The following VAV3 variants were observed in gnomAD, a reference collection of about 807,000 sequenced individuals.
VAV3 encodes guanine nucleotide exchange factor VAV3.
In VAV3, 94 loss-of-function variants were observed where a neutral mutation model predicts 131.2. The observed-to-expected ratio is 0.72, with a 90% CI of 0.61 to 0.85. VAV3 has a LOEUF of 0.85. VAV3 is among the 40% of genes least tolerant of loss of function. VAV3 has a pLI of 0.00. For missense variants in VAV3, 939 were observed against 1,002.7 expected (o/e 0.94, Z 0.86); for synonymous variants, 349 against 342.0 (o/e 1.02, Z -0.22).
intron 16 of VAV3, 59 bp downstream of exon 16, chr1:107,704,901 A>T: frequency 6.6e-7 from 1 of 1,520,410 alleles, no homozygotes; most frequent in Non-Finnish European, 9.1e-7. Context: ...GAAAAGTCTG[A>T]AACACTTAGC....
At chr1:107,793,695 G>C (rs1666407568) in intron 2 of VAV3, among the ~76,000 whole-genome samples, 1 of 152,186 alleles carries the variant, frequency 6.6e-6, no homozygotes, top group South Asian at 2.1e-4. Flanking sequence ...AAGGGGTCTA[G>C]ATTTTGTTAT....
chr1:107,826,929 T>G (rs1668041835), intron 2 of VAV3, among the ~76,000 whole-genome samples: 1 of 152,164 alleles, frequency 6.6e-6, no homozygotes, highest in Non-Finnish European at 1.5e-5. Context: ...CTTGTTTCAG[T>G]TTTTTATATT....
chr1:107,934,383 G>T lies in VAV3; in HGVS notation c.204+30283C>A, dbSNP rs542208177. On this transcript the variant is annotated intron_variant, in intron 1 of 26. Coordinates refer to ENST00000370056, the MANE Select transcript of VAV3 (RefSeq NM_006113.5). ...CCAAAACCCTTAGAACAGAGCAGAA[G>T]ATATATTTTGCCACTCTTTTTCTTC... Among the ~76,000 whole-genome samples the T allele has an allele frequency of 8.5e-4, 129 of 152,290 alleles. 1 individual carries two copies. Among genetic ancestry groups the T allele is most frequent in the Non-Finnish European group, 1.4e-3 (97 of 68,022 alleles).
intron 4 of VAV3, among the ~76,000 whole-genome samples, chr1:107,775,922 T>C (rs1665329880): frequency 2.0e-5 from 3 of 152,152 alleles, no homozygotes; most frequent in African/African-American, 7.2e-5. Flanking sequence ...ATCTGGAAGT[T>C]GGGGCTGTGA....
intron 1 of VAV3, among the ~76,000 whole-genome samples, chr1:107,911,565 A>C (rs1672368781): frequency 6.6e-6 from 1 of 152,250 alleles, no homozygotes; most frequent in East Asian, 1.9e-4. Flanking sequence ...CAGATAAATA[A>C]AACATAAATC....
At chr1:107,957,558 C>T (rs913959799) in intron 1 of VAV3, among the ~76,000 whole-genome samples, 1 of 151,830 alleles carries the variant, frequency 6.6e-6, no homozygotes, top group East Asian at 1.9e-4. Flanking sequence ...TACAGGGAAG[C>T]GAATATGAAA....
chr1:107,699,239 G>T (rs574235449), intron 17 of VAV3, among the ~76,000 whole-genome samples: 3 of 152,362 alleles, frequency 2.0e-5, no homozygotes, highest in East Asian at 3.9e-4. Context: ...TACAGGCATT[G>T]TGTAAATACA....
intron 17 of VAV3, among the ~76,000 whole-genome samples, chr1:107,694,854 G>A (rs1659651432): frequency 6.6e-6 from 1 of 152,150 alleles, no homozygotes; most frequent in South Asian, 2.1e-4. Flanking sequence ...GAGGGCTGCA[G>A]TCTAATTGAG....
intron 2 of VAV3, among the ~76,000 whole-genome samples, chr1:107,853,694 G>C (rs1336289402): frequency 6.6e-6 from 1 of 152,004 alleles, no homozygotes; most frequent in Non-Finnish European, 1.5e-5. Context: ...AGAAAAGCCA[G>C]AGAAACAAAA....
rs1384728614 is a variant in VAV3 at position 107,749,087 on chromosome 1, T to G, written c.1393-10A>C. Reference sequence around the variant, plus strand: ...AGAAGCCATAAGACCACTGTTAAAATTAATATTCCTTAGATTAATATGTAT... The same window carrying G: ...AGAAGCCATAAGACCACTGTTAAAAGTAATATTCCTTAGATTAATATGTAT... On this transcript the variant is annotated splice_polypyrimidine_tract_variant and intron_variant, in intron 14 of 26. Coordinates refer to ENST00000370056, the MANE Select transcript of VAV3 (RefSeq NM_006113.5). The G allele has an allele frequency of 6.6e-7, 1 of 1,520,338 alleles. No homozygotes were observed. Among genetic ancestry groups the G allele is most frequent in the Admixed American group, 1.8e-5 (1 of 55,178 alleles). 94.2% of individuals were successfully genotyped at this position (1,520,338 alleles called of 1,614,324 possible). A position where few individuals can be genotyped will look rare whatever the true frequency, so the allele number is the denominator to read the frequency against.
intron 19 of VAV3, among the ~76,000 whole-genome samples, chr1:107,646,998 C>T (rs545124637): frequency 6.6e-6 from 1 of 151,600 alleles, no homozygotes; most frequent in South Asian, 2.1e-4. Flanking sequence ...AAGTAGAACC[C>T]TATTAGAAAA....
intron 25 of VAV3, among the ~76,000 whole-genome samples, chr1:107,585,404 CTT>C (rs1650403340): frequency 6.6e-6 from 1 of 152,186 alleles, no homozygotes; most frequent in Non-Finnish European, 1.5e-5. Flanking sequence ...CCTATTAAAA[CTT>C]TAAAGACAGA....
chr1:107,886,363 GC>G (rs1671037340), intron 1 of VAV3, among the ~76,000 whole-genome samples: 1 of 152,160 alleles, frequency 6.6e-6, no homozygotes, highest in Admixed American at 6.5e-5. Flanking sequence ...CAAATCTGAA[GC>G]CCCTGCCAGC....
intron 15 of VAV3, among the ~76,000 whole-genome samples, chr1:107,709,751 C>A (rs889142544): frequency 5.9e-5 from 9 of 152,164 alleles, no homozygotes; most frequent in Admixed American, 3.9e-4. Flanking sequence ...CTTCACTGGG[C>A]ACTCATTCTT....
chr1:107,651,336 T>C (rs888537694), intron 19 of VAV3, among the ~76,000 whole-genome samples: 6 of 152,150 alleles, frequency 3.9e-5, no homozygotes, highest in Admixed American at 1.3e-4. Context: ...ATACTCAATC[T>C]TCTTGCTTCA....
chr1:107,796,523 G>C (rs1242554061), intron 2 of VAV3, among the ~76,000 whole-genome samples: 1 of 151,932 alleles, frequency 6.6e-6, no homozygotes, highest in Non-Finnish European at 1.5e-5. Context: ...TGATGGACAG[G>C]CACTATATTT....
intron 22 of VAV3, among the ~76,000 whole-genome samples, chr1:107,605,984 T>A (rs1203427622): frequency 6.6e-6 from 1 of 152,220 alleles, no homozygotes; most frequent in Non-Finnish European, 1.5e-5. Flanking sequence ...CCCTCCACGC[T>A]CTTCTAATTG....
intron 19 of VAV3, among the ~76,000 whole-genome samples, chr1:107,658,538 T>C (rs991632150): frequency 6.6e-6 from 1 of 152,098 alleles, no homozygotes; most frequent in Non-Finnish European, 1.5e-5. Flanking sequence ...ACTTCCACAA[T>C]GGTTGAACTA....
At chr1:107,953,136 A>T (rs1674637476) in intron 1 of VAV3, among the ~76,000 whole-genome samples, 1 of 152,156 alleles carries the variant, frequency 6.6e-6, no homozygotes, top group Non-Finnish European at 1.5e-5. Context: ...CCGAATCTGG[A>T]ATTAGGACAG....
Sources: gnomAD v4.1 joint callset for allele counts (sites outside exome capture counted in the v4.1 genomes callset) on GRCh38, gnomAD v4.1.1 for gene constraint, MANE v1.5 for transcripts, NCBI Gene and HGNC (gene_info 2026-07-23, HGNC 2026-07-21) for gene names.